The following HSD17B12 variants were observed in gnomAD, a reference collection of about 807,000 sequenced individuals.
HSD17B12 encodes very-long-chain 3-oxoacyl-CoA reductase.
A neutral mutation model predicts 39.3 loss-of-function variants in HSD17B12; 32 were observed. That is an observed-to-expected ratio of 0.81 (90% CI 0.61 to 1.09). The LOEUF (loss-of-function observed/expected upper bound fraction) is 1.09, where lower values mean the gene tolerates loss of function less well. Among genes scored for constraint, HSD17B12 ranks in the 50% least tolerant of loss-of-function variants. The pLI is 0.00. For missense variants in HSD17B12, 342 were observed against 382.9 expected (o/e 0.89, Z 0.89); for synonymous variants, 150 against 146.7 (o/e 1.02, Z -0.16).
chr11:43,595,458 T>C, the HSD17B12 span, among the ~76,000 whole-genome samples: 2 of 152,248 alleles, frequency 1.3e-5, no homozygotes, highest in Non-Finnish European at 2.9e-5. Flanking sequence ...CCTGCAGAAG[T>C]TGATGCAACA....
the HSD17B12 span, among the ~76,000 whole-genome samples, chr11:43,651,688 C>G: frequency 6.6e-6 from 1 of 152,184 alleles, no homozygotes; most frequent in Admixed American, 6.5e-5. Context: ...TCAAGTGATT[C>G]CTGTGCTTCG....
intron 6 of HSD17B12, among the ~76,000 whole-genome samples, chr11:43,824,202 A>G (rs750410819): frequency 1.3e-5 from 2 of 152,116 alleles, no homozygotes; most frequent in Non-Finnish European, 2.9e-5. Flanking sequence ...ACCAGTCCCT[A>G]TTGTTTGACT....
the HSD17B12 span, among the ~76,000 whole-genome samples, chr11:43,575,176 T>C: frequency 6.6e-6 from 1 of 152,232 alleles, no homozygotes; most frequent in African/African-American, 2.4e-5. This position sits in a 1 kb window ranked among gnomAD's most constrained non-coding sequence, Gnocchi z 4.1. Flanking sequence ...TGGGAGTCTG[T>C]CCGTCTCTCT....
At position 43,840,387 on chromosome 11, in the gene HSD17B12, T is replaced by C. The variant is rs117813992; in HGVS notation, c.684+323T>C. On this transcript the variant is annotated intron_variant, in intron 9 of 10. Coordinates refer to ENST00000278353, the MANE Select transcript of HSD17B12 (RefSeq NM_016142.3). ...TCTCTCTTTTTTAATTGTGGTAAAATAAACATAAAATTTACCATTTTCATC... is the reference window on the plus strand; with the variant it reads ...TCTCTCTTTTTTAATTGTGGTAAAACAAACATAAAATTTACCATTTTCATC... Among the ~76,000 whole-genome samples the C allele has an allele frequency of 3.2e-3, 487 of 152,220 alleles. 4 individuals carry two copies. Among genetic ancestry groups the C allele is most frequent in the Non-Finnish European group, 4.4e-3 (302 of 67,992 alleles).
the HSD17B12 span, among the ~76,000 whole-genome samples, chr11:43,653,322 A>C: frequency 2.0e-5 from 3 of 152,188 alleles, no homozygotes; most frequent in Non-Finnish European, 2.9e-5. Context: ...AAACCTAAAC[A>C]TAAGAACTAA....
chr11:43,690,461 A>G (rs928369812), intron 1 of HSD17B12, among the ~76,000 whole-genome samples: 1 of 131,476 alleles, frequency 7.6e-6, no homozygotes, highest in African/African-American at 2.9e-5. Context: ...GCTGGCCTCA[A>G]ACTCCTGGGC....
At chr11:43,583,321 G>C in the HSD17B12 span, among the ~76,000 whole-genome samples, 1 of 152,214 alleles carries the variant, frequency 6.6e-6, no homozygotes, top group South Asian at 2.1e-4. Context: ...GGCGTCGTGC[G>C]GCACCGGAGC....
chr11:43,680,670 A>G (rs1949733335), upstream of HSD17B12: 5 of 688,610 alleles, frequency 7.3e-6, 1 homozygote, highest in African/African-American at 1.8e-5. Context: ...GGTCACCAAT[A>G]GCGACACGGA....
chr11:43,729,924 T>G (rs1590700395), intron 1 of HSD17B12, among the ~76,000 whole-genome samples: 2 of 152,312 alleles, frequency 1.3e-5, no homozygotes, highest in Non-Finnish European at 2.9e-5. Context: ...ATTTTTCTTT[T>G]AATTCAGTTA....
intron 1 of HSD17B12, among the ~76,000 whole-genome samples, chr11:43,729,598 A>G (rs1480353355): frequency 6.6e-6 from 1 of 152,190 alleles, no homozygotes; most frequent in Non-Finnish European, 1.5e-5. Context: ...GCATAAGAGG[A>G]CGCTTAAATC....
intron 4 of HSD17B12, among the ~76,000 whole-genome samples, chr11:43,802,537 T>C (rs1950981724): frequency 6.6e-6 from 1 of 152,200 alleles, no homozygotes; most frequent in African/African-American, 2.4e-5. Context: ...TAGTTCACCT[T>C]GGCCATCTCT....
At chr11:43,641,184 GC>G in the HSD17B12 span, 2 of 151,042 alleles carry the variant, frequency 1.3e-5, no homozygotes, top group Non-Finnish European at 3.0e-5. Flanking sequence ...TTTAAATAAA[GC>G]AAAAGTAGTT....
intron 1 of HSD17B12, among the ~76,000 whole-genome samples, chr11:43,693,700 C>G (rs1329372119): frequency 6.6e-6 from 1 of 152,082 alleles, no homozygotes; most frequent in Non-Finnish European, 1.5e-5. Flanking sequence ...ATTTAAATAC[C>G]AGTGTAAAAA....
At chr11:43,726,461 T>C (rs1168763615) in intron 1 of HSD17B12, among the ~76,000 whole-genome samples, 1 of 152,190 alleles carries the variant, frequency 6.6e-6, no homozygotes, top group Non-Finnish European at 1.5e-5. Context: ...TTACCCACAA[T>C]TTCCACAACT....
the HSD17B12 span, among the ~76,000 whole-genome samples, chr11:43,672,079 C>G: frequency 6.6e-6 from 1 of 151,972 alleles, no homozygotes. Flanking sequence ...GACCGAGTCT[C>G]GCTCTGTCGC....
intron 1 of HSD17B12, among the ~76,000 whole-genome samples, chr11:43,744,385 G>A (rs1950395300): frequency 6.6e-6 from 1 of 152,092 alleles, no homozygotes; most frequent in Non-Finnish European, 1.5e-5. Flanking sequence ...CATAGAAATG[G>A]TGGGAAGTAA....
In HSD17B12 at chr11:43,831,894, T is replaced by G. The variant is rs1036114178; in HGVS notation, c.536+884T>G. ...TTACAGCTTATGTTTATTGAGTATATAGTAAGTGCCAGGAACTTAGTAAGT... is the reference window on the plus strand; with the variant it reads ...TTACAGCTTATGTTTATTGAGTATAGAGTAAGTGCCAGGAACTTAGTAAGT... On this transcript the variant is annotated intron_variant, in intron 7 of 10. Coordinates refer to ENST00000278353, the MANE Select transcript of HSD17B12 (RefSeq NM_016142.3). This position sits in a 1 kb window ranked among gnomAD's most constrained non-coding sequence, Gnocchi z 4.1. 2.6e-5 allele frequency among the ~76,000 whole-genome samples: 4 copies of G among 152,168 alleles called. No individual in the cohort carries two copies. Among genetic ancestry groups the G allele is most frequent in the Non-Finnish European group, 5.9e-5 (4 of 68,036 alleles).
intron 3 of HSD17B12, among the ~76,000 whole-genome samples, chr11:43,795,913 G>T (rs551468012): frequency 2.6e-5 from 4 of 152,060 alleles, no homozygotes; most frequent in Non-Finnish European, 4.4e-5. Context: ...AGGAGTGCTG[G>T]GGGGGATGGT....
intron 4 of HSD17B12, among the ~76,000 whole-genome samples, chr11:43,810,164 C>T (rs1442250921): frequency 6.6e-6 from 1 of 151,962 alleles, no homozygotes; most frequent in Admixed American, 6.6e-5. Flanking sequence ...GTTGTTTGCT[C>T]CTCTCTCACG....
Sources: allele counts gnomAD v4.1 joint callset (sites outside exome capture counted in the v4.1 genomes callset), GRCh38; gene constraint gnomAD v4.1.1; non-coding constraint Gnocchi (gnomAD v3.1); transcripts MANE v1.5; gene names NCBI Gene and HGNC (gene_info 2026-07-23, HGNC 2026-07-21).